Variants in GPR158 observed in about 807,000 individuals in gnomAD.
The protein encoded by GPR158 is G protein-coupled receptor 158, also known as metabotropic glycine receptor.
GPR158 carries 30 observed loss-of-function variants against 78.2 expected under a neutral mutation model. The observed-to-expected ratio is 0.38, with a 90% CI of 0.29 to 0.52. The LOEUF (loss-of-function observed/expected upper bound fraction) is 0.52. GPR158 is among the 20% of genes least tolerant of loss of function. The pLI is 0.83. For synonymous variants in GPR158, 581 were observed against 591.1 expected (o/e 0.98, Z 0.25); for missense variants, 1,463 against 1,523.5 (o/e 0.96, Z 0.66).
chr10:25,488,384 A>T (rs1486765563), intron 5 of GPR158, among the ~76,000 whole-genome samples: 1 of 152,208 alleles, frequency 6.6e-6, no homozygotes, highest in Non-Finnish European at 1.5e-5. Context: ...ATAAGGGAGA[A>T]GAGAATTACG....
chr10:25,286,953 C>G (rs1032298523), intron 2 of GPR158, among the ~76,000 whole-genome samples: 2 of 152,060 alleles, frequency 1.3e-5, no homozygotes, highest in Non-Finnish European at 2.9e-5. Flanking sequence ...TTTCTCTCCC[C>G]TTTTTTGCTT....
intron 2 of GPR158, among the ~76,000 whole-genome samples, chr10:25,236,178 G>C (rs925253997): frequency 6.6e-6 from 1 of 152,090 alleles, no homozygotes; most frequent in African/African-American, 2.4e-5. Context: ...TTATAATAAA[G>C]GCATTTAAAA....
At chr10:25,243,961 G>A (rs925391098) in intron 2 of GPR158, 16 of 152,118 alleles carry the variant, frequency 1.1e-4, no homozygotes, top group African/African-American at 3.1e-4. Context: ...AGTAGGAAAA[G>A]TGACAGGAAA....
chr10:25,585,524 A>C (rs1837255410), intron 7 of GPR158, among the ~76,000 whole-genome samples: 1 of 152,232 alleles, frequency 6.6e-6, no homozygotes, highest in African/African-American at 2.4e-5. Flanking sequence ...AGGGAAGAAA[A>C]TTCAATGTAG....
intron 2 of GPR158, among the ~76,000 whole-genome samples, chr10:25,370,380 T>A (rs1310301940): frequency 8.6e-6 from 1 of 116,642 alleles, no homozygotes; most frequent in East Asian, 2.0e-4. Flanking sequence ...TTTGTTCTCG[T>A]TGGTTTCAAA....
intron 5 of GPR158, among the ~76,000 whole-genome samples, chr10:25,541,880 T>C (rs1287669424): frequency 6.7e-6 from 1 of 148,874 alleles, no homozygotes; most frequent in African/African-American, 2.5e-5. Flanking sequence ...TGAGCAACTC[T>C]GGAAAATATT....
chr10:25,264,233 C>T (rs935968451), intron 2 of GPR158, among the ~76,000 whole-genome samples: 1 of 152,146 alleles, frequency 6.6e-6, no homozygotes, highest in Admixed American at 6.5e-5. Flanking sequence ...CAGATTGATG[C>T]TGCACATCTC....
intron 5 of GPR158, among the ~76,000 whole-genome samples, chr10:25,515,704 CT>C (rs1836159706): frequency 6.7e-6 from 1 of 148,592 alleles, no homozygotes; most frequent in South Asian, 2.2e-4. Flanking sequence ...TGAACTCATC[CT>C]TTTTTATGGC....
At chr10:25,221,220 T>C in intron 2 of GPR158, 63 bp downstream of exon 2, 2 of 853,628 alleles carry the variant, frequency 2.3e-6, no homozygotes, top group Non-Finnish European at 3.8e-6. Context: ...ATATGTTATA[T>C]TTGTGTGGGT....
chr10:25,522,774 G>A (rs563938594), intron 5 of GPR158, among the ~76,000 whole-genome samples: 35 of 152,314 alleles, frequency 2.3e-4, no homozygotes, highest in African/African-American at 7.9e-4. Flanking sequence ...TCTAGAGAAA[G>A]TAGAAGACAT....
intron 2 of GPR158, among the ~76,000 whole-genome samples, chr10:25,372,435 A>G (rs1264510686): frequency 1.4e-5 from 2 of 145,632 alleles, no homozygotes; most frequent in East Asian, 2.0e-4. Flanking sequence ...ATTATTCACA[A>G]TAACAAAGAC....
At chr10:25,359,027 C>G (rs1217236471) in intron 2 of GPR158, among the ~76,000 whole-genome samples, 1 of 151,650 alleles carries the variant, frequency 6.6e-6, no homozygotes, top group African/African-American at 2.4e-5. Context: ...GATCTTCTGT[C>G]TACTTATTCT....
intron 4 of GPR158, among the ~76,000 whole-genome samples, chr10:25,465,095 T>A (rs1835404524): frequency 6.6e-6 from 1 of 152,196 alleles, no homozygotes; most frequent in East Asian, 1.9e-4. Flanking sequence ...CCACAGGGAT[T>A]TTTGGAAGGG....
At chr10:25,331,514 G>A (rs1432727967) in intron 2 of GPR158, among the ~76,000 whole-genome samples, 1 of 152,126 alleles carries the variant, frequency 6.6e-6, no homozygotes, top group Non-Finnish European at 1.5e-5. Flanking sequence ...GATGAACAAG[G>A]GAATTCTATC....
intron 1 of GPR158, among the ~76,000 whole-genome samples, chr10:25,213,495 A>C (rs1037953851): frequency 8.5e-5 from 13 of 152,250 alleles, no homozygotes; most frequent in East Asian, 7.7e-4. Flanking sequence ...TAATTATTTT[A>C]ATATATGTAA....
intron 2 of GPR158, among the ~76,000 whole-genome samples, chr10:25,311,750 G>A (rs1270877137): frequency 1.3e-5 from 2 of 151,888 alleles, no homozygotes; most frequent in African/African-American, 4.8e-5. Context: ...TAGCTTATTA[G>A]AAATTAAACT....
chr10:25,338,259 T>C (rs1362665598), intron 2 of GPR158, among the ~76,000 whole-genome samples: 1 of 150,604 alleles, frequency 6.6e-6, no homozygotes, highest in Non-Finnish European at 1.5e-5. Context: ...TTCATTCATT[T>C]GGAATTGATT....
intron 5 of GPR158, among the ~76,000 whole-genome samples, chr10:25,535,202 A>T (rs1564482546): frequency 6.6e-6 from 1 of 152,066 alleles, no homozygotes; most frequent in African/African-American, 2.4e-5. Context: ...AATGTTCCCT[A>T]CCTCCTGGTA....
intron 4 of GPR158, among the ~76,000 whole-genome samples, chr10:25,420,242 G>T (rs189186215): frequency 6.6e-6 from 1 of 151,986 alleles, no homozygotes; most frequent in Non-Finnish European, 1.5e-5. Context: ...CTCAAACTCC[G>T]GGGCTCAAGC....
Sources: allele counts gnomAD v4.1 joint callset (sites outside exome capture counted in the v4.1 genomes callset), GRCh38; gene constraint gnomAD v4.1.1; transcripts MANE v1.5; gene names NCBI Gene and HGNC (gene_info 2026-07-23, HGNC 2026-07-21).